PCDHGA4: variants seen among roughly 807,000 people sequenced by gnomAD.
The protein encoded by PCDHGA4 is protocadherin gamma subfamily A, 4.
PCDHGA4 carries 38 observed loss-of-function variants against 54.6 expected under a neutral mutation model. The observed-to-expected ratio is 0.70, with a 90% CI of 0.54 to 0.91. The LOEUF (loss-of-function observed/expected upper bound fraction) is 0.91. Among genes scored for constraint, PCDHGA4 ranks in the 40% least tolerant of loss-of-function variants. The pLI, the probability that PCDHGA4 is intolerant of heterozygous loss-of-function variation, is 0.00. For missense variants in PCDHGA4, 1,298 were observed against 1,220.9 expected, an observed-to-expected ratio of 1.06 and a Z score of -0.94; for synonymous variants, 511 against 512.9, an observed-to-expected ratio of 1.00 and a Z score of 0.05.
chr5:141,370,752 A>G (rs1561547929), intron 1 of PCDHGA4: 1 of 1,613,836 alleles, frequency 6.2e-7, no homozygotes, highest in African/African-American at 1.3e-5. Flanking sequence ...TTTTCATGTA[A>G]CTGTGCTGAT....
At chr5:141,464,264 A>G (rs1357786078) in intron 1 of PCDHGA4, among the ~76,000 whole-genome samples, 2 of 130,598 alleles carry the variant, frequency 1.5e-5, no homozygotes, top group East Asian at 4.2e-4. Flanking sequence ...GACTCCGTCT[A>G]AAAAAAAAAA....
chr5:141,474,153 A>G (rs1424442765), intron 1 of PCDHGA4, among the ~76,000 whole-genome samples: 3 of 152,254 alleles, frequency 2.0e-5, no homozygotes, highest in Non-Finnish European at 4.4e-5. Flanking sequence ...TATCAAGAAA[A>G]TGACAGGCCT....
chr5:141,428,381 C>T, intron 1 of PCDHGA4: 1 of 516,406 alleles, frequency 1.9e-6, no homozygotes, highest in Non-Finnish European at 3.6e-6. Context: ...CTGCGATGCT[C>T]TTCCAGCCCC....
intron 1 of PCDHGA4, chr5:141,383,196 T>C (rs7704696): frequency 0.066 from 106,221 of 1,613,864 alleles, 4,924 homozygotes; most frequent in African/African-American, 0.24. Context: ...GCGCTCAGAG[T>C]GCGCGGTGTC....
At chr5:141,408,691 C>T (rs1013098114) in intron 1 of PCDHGA4, 1 of 1,613,854 alleles carries the variant, frequency 6.2e-7, no homozygotes, top group Non-Finnish European at 8.5e-7. Flanking sequence ...CTGATATAAA[C>T]ATAAACTCAA....
intron 2 of PCDHGA4, among the ~76,000 whole-genome samples, chr5:141,500,421 G>A (rs1247202322): frequency 6.6e-6 from 1 of 151,852 alleles, no homozygotes; most frequent in Non-Finnish European, 1.5e-5. Flanking sequence ...GTGTTAGCCA[G>A]GATGGTCTCG....
rs539348000 is a variant in PCDHGA4 at position 141,504,908 on chromosome 5, G to A, written c.2574-485G>A. 5.9e-5 allele frequency among the ~76,000 whole-genome samples: 9 copies of A among 152,208 alleles called. No homozygotes were observed. In the East Asian group the frequency reaches 1.7e-3, roughly 29 times the overall value. On this transcript the variant is annotated intron_variant, in intron 2 of 3. Coordinates refer to ENST00000571252, the MANE Select transcript of PCDHGA4 (RefSeq NM_018917.4). Reference sequence around the variant, plus strand: ...AGGTCTGATCTCCCTCACTATGACAGGAAGCCAGGCTCTCTCATGGTGGGT... The same window carrying A: ...AGGTCTGATCTCCCTCACTATGACAAGAAGCCAGGCTCTCTCATGGTGGGT...
intron 1 of PCDHGA4, chr5:141,433,260 C>A: frequency 1.5e-6 from 2 of 1,352,308 alleles, no homozygotes; most frequent in South Asian, 1.4e-5. Flanking sequence ...GCGGTACGAT[C>A]ATAGCTCACT....
At chr5:141,435,055 A>T (rs148331367) in intron 1 of PCDHGA4, among the ~76,000 whole-genome samples, 5 of 152,124 alleles carry the variant, frequency 3.3e-5, no homozygotes, top group Non-Finnish European at 7.4e-5. Flanking sequence ...TTGACCATGC[A>T]GCAGTTTTGT....
In PCDHGA4 at chr5:141,361,747, G is replaced by A. The variant is rs960340216; in HGVS notation, c.2514+4126G>A. 35 of 1,612,978 alleles carry A rather than the reference G, an allele frequency of 2.2e-5. No homozygotes were observed. In the African/African-American group the frequency reaches 4.7e-4, roughly 22 times the overall value. ...GCTCACACTGCAGGCCCGCGACCAG[G>A]GCTCGCCCGCGCTCAGCGCCAACGT... On this transcript the variant is annotated intron_variant, in intron 1 of 3. Transcript: ENST00000571252.
At chr5:141,436,486 C>A (rs2097826645) in intron 1 of PCDHGA4, among the ~76,000 whole-genome samples, 1 of 152,152 alleles carries the variant, frequency 6.6e-6, no homozygotes. Flanking sequence ...AGAAGGATAG[C>A]AGCTTTGCAA....
rs375228847 is a variant in PCDHGA4, at chr5:141,431,219, C to G, written c.2515-63588C>G. ...TGCAGCCACTGAGATGCGGTTCCCTCTACCCCACGCCTGGGATCCGGATAT... is the reference window on the plus strand; with the variant it reads ...TGCAGCCACTGAGATGCGGTTCCCTGTACCCCACGCCTGGGATCCGGATAT... On this transcript the variant is annotated intron_variant, in intron 1 of 3. Coordinates refer to ENST00000571252, the MANE Select transcript of PCDHGA4 (RefSeq NM_018917.4). This position sits in a 1 kb window ranked among gnomAD's most constrained non-coding sequence, Gnocchi z 4.8. 2.5e-6 allele frequency: 4 copies of G among 1,614,180 alleles called. No individual in the cohort carries two copies. The highest frequency in any genetic ancestry group is 1.6e-4 in the Middle Eastern group (1 of 6,062).
At chr5:141,459,763 G>A (rs1243169814) in intron 1 of PCDHGA4, among the ~76,000 whole-genome samples, 1 of 152,206 alleles carries the variant, frequency 6.6e-6, no homozygotes, top group South Asian at 2.1e-4. Context: ...GTGGGTGTGT[G>A]ATACTATCTC....
chr5:141,494,173 G>C (rs554811420), intron 1 of PCDHGA4, among the ~76,000 whole-genome samples: 2 of 152,304 alleles, frequency 1.3e-5, no homozygotes, highest in South Asian at 2.1e-4. Flanking sequence ...CTAGGGGTGA[G>C]AAGTGTCCCG....
chr5:141,456,715 A>G (rs2098881350), intron 1 of PCDHGA4, among the ~76,000 whole-genome samples: 1 of 152,204 alleles, frequency 6.6e-6, no homozygotes, highest in South Asian at 2.1e-4. Flanking sequence ...CTGTAATCCC[A>G]GCACTTTGGG....
intron 2 of PCDHGA4, among the ~76,000 whole-genome samples, chr5:141,501,690 A>G (rs760011264): frequency 5.3e-5 from 8 of 152,158 alleles, no homozygotes; most frequent in Non-Finnish European, 1.0e-4. Context: ...ACTTATCTGC[A>G]GGGTGATTCC....
At chr5:141,403,715 G>A in intron 1 of PCDHGA4, 3 of 1,613,898 alleles carry the variant, frequency 1.9e-6, no homozygotes, top group Non-Finnish European at 2.5e-6. Flanking sequence ...CCTTGAGAAC[G>A]TGCCCCCAGG....
chr5:141,369,623 T>A (rs996291828), intron 1 of PCDHGA4, among the ~76,000 whole-genome samples: 4 of 152,224 alleles, frequency 2.6e-5, no homozygotes, highest in Admixed American at 2.6e-4. Flanking sequence ...CATTTCCTCA[T>A]TACCTTTAAC....
chr5:141,427,960 G>A, intron 1 of PCDHGA4: 2 of 1,589,168 alleles, frequency 1.3e-6, no homozygotes, highest in East Asian at 2.2e-5. Context: ...AATGTGCCGC[G>A]GGTGCTGTAC....
Sources: allele counts gnomAD v4.1 joint callset (sites outside exome capture counted in the v4.1 genomes callset), GRCh38; gene constraint gnomAD v4.1.1; non-coding constraint Gnocchi (gnomAD v3.1); transcripts MANE v1.5; gene names NCBI Gene and HGNC (gene_info 2026-07-23, HGNC 2026-07-21).